CDH11: variants seen among roughly 807,000 people sequenced by gnomAD.
The protein encoded by CDH11 is cadherin 11, also known as cadherin-11.
A neutral mutation model predicts 67.8 loss-of-function variants in CDH11; 11 were observed. The ratio of observed to expected loss-of-function variants is 0.16; its 90% CI spans 0.10 to 0.27. CDH11 has a LOEUF of 0.27. Among genes scored for constraint, CDH11 ranks in the 10% least tolerant of loss-of-function variants. CDH11 has a pLI of 1.00. For missense variants in CDH11, 847 were observed against 1,031.2 expected (o/e 0.82, Z 2.45); for synonymous variants, 419 against 400.0 (o/e 1.05, Z -0.57).
intron 1 of CDH11, among the ~76,000 whole-genome samples, chr16:65,096,283 C>A (rs1416987720): frequency 6.6e-6 from 1 of 152,084 alleles, no homozygotes; most frequent in Non-Finnish European, 1.5e-5. Flanking sequence ...GCCTCCAGAA[C>A]TGTAAACAAT....
chr16:64,951,785 T>A (rs894594434), intron 11 of CDH11, among the ~76,000 whole-genome samples: 1 of 152,198 alleles, frequency 6.6e-6, no homozygotes, highest in Non-Finnish European at 1.5e-5. Flanking sequence ...TCATTAGTCA[T>A]GTAAATATAC....
Position 64,976,492 on chromosome 16 carries a change from T to A in CDH11, c.1254-3452A>T, listed in dbSNP as rs149081669. Among the ~76,000 whole-genome samples the A allele has an allele frequency of 2.2e-3, 339 of 152,106 alleles. 3 individuals carry two copies. The highest frequency in any genetic ancestry group is 7.5e-3 in the African/African-American group (311 of 41,488). The stretch of plus-strand genomic sequence containing the variant: ...AGGCCTCCATTATATGTCCAAAGAC[T>A]CAAATGTCCTCAAAGTTGAAGAGAA... On this transcript the variant is annotated intron_variant, in intron 8 of 12. Coordinates refer to ENST00000268603, the MANE Select transcript of CDH11 (RefSeq NM_001797.4).
At chr16:65,058,671 AT>A (rs149570107) in intron 1 of CDH11, among the ~76,000 whole-genome samples, 1 of 152,150 alleles carries the variant, frequency 6.6e-6, no homozygotes, top group Non-Finnish European at 1.5e-5. Flanking sequence ...GTAGATCATG[AT>A]TTTTTTTGTA....
intron 1 of CDH11, among the ~76,000 whole-genome samples, chr16:65,098,363 A>G (rs1039399217): frequency 7.9e-5 from 12 of 152,182 alleles, no homozygotes; most frequent in Non-Finnish European, 7.3e-5. Flanking sequence ...ATATATTCAA[A>G]TATTACTCTA....
rs368554961 is a variant in CDH11, at chr16:64,968,311, C to CTACA, written c.1642+3264_1642+3267dup. On this transcript the variant is annotated intron_variant, in intron 11 of 12. Coordinates refer to ENST00000268603, the MANE Select transcript of CDH11 (RefSeq NM_001797.4). The stretch of plus-strand genomic sequence containing the variant: ...GAAGGTTTTATAAACCAGTTAAGAG[C>CTACA]TACATAGAGGAGAGATATTATCTCA... The CTACA allele has an allele frequency of 2.3e-4, 110 of 485,136 alleles. 1 individual carries two copies. Among genetic ancestry groups the CTACA allele is most frequent in the African/African-American group, 2.2e-3 (104 of 48,098 alleles). The allele number at this position is 485,136 out of a possible 1,614,324, so 30.1% of individuals were successfully genotyped here.
chr16:65,078,652 A>G (rs79920131), intron 1 of CDH11, among the ~76,000 whole-genome samples: 2,255 of 152,244 alleles, frequency 0.015, 48 homozygotes, highest in African/African-American at 0.051. Context: ...TTTTTGATCA[A>G]TAAGTCATCA....
Position 65,047,111 on chromosome 16 carries a change from C to G in CDH11, c.-173+6693G>C, listed in dbSNP as rs565230444. Among the ~76,000 whole-genome samples the G allele has an allele frequency of 3.3e-5, 5 of 152,138 alleles. No individual in the cohort carries two copies. The East Asian group carries it at 7.8e-4, about 24-fold the overall frequency. ...CCTGGGTGACAAAGTGAGACTCTGC[C>G]TCAAAAAATAAATCAAGGTGTAAAA... On this transcript the variant is annotated intron_variant, in intron 2 of 12. Coordinates refer to ENST00000268603, the MANE Select transcript of CDH11 (RefSeq NM_001797.4).
intron 11 of CDH11, among the ~76,000 whole-genome samples, chr16:64,962,956 C>T (rs550298980): frequency 6.6e-6 from 1 of 152,286 alleles, no homozygotes; most frequent in Non-Finnish European, 1.5e-5. Context: ...CTATGGAATG[C>T]TAGCCCTTCT....
chr16:65,113,084 G>C (rs550422020), intron 1 of CDH11, among the ~76,000 whole-genome samples: 1 of 151,992 alleles, frequency 6.6e-6, no homozygotes, highest in Non-Finnish European at 1.5e-5. Context: ...TCAGAATTTC[G>C]AGATAAGCTT....
chr16:64,955,138 C>T (rs1317244309), intron 11 of CDH11, among the ~76,000 whole-genome samples: 5 of 151,706 alleles, frequency 3.3e-5, no homozygotes, highest in African/African-American at 4.8e-5. Context: ...CCCAGCTACT[C>T]GGGAGGCTGA....
chr16:65,046,743 A>G (rs2073967933), intron 2 of CDH11, among the ~76,000 whole-genome samples: 1 of 152,200 alleles, frequency 6.6e-6, no homozygotes, highest in Non-Finnish European at 1.5e-5. Flanking sequence ...GATAGTTTTA[A>G]AACTTAAAAA....
intron 3 of CDH11, among the ~76,000 whole-genome samples, chr16:65,000,664 C>T (rs1317171606): frequency 3.9e-5 from 6 of 151,948 alleles, no homozygotes; most frequent in Non-Finnish European, 8.8e-5. Flanking sequence ...CAAAAATTAA[C>T]CAGGCATGAT....
chr16:65,054,131 T>C (rs779425499), intron 1 of CDH11, among the ~76,000 whole-genome samples: 3 of 152,186 alleles, frequency 2.0e-5, no homozygotes, highest in Non-Finnish European at 4.4e-5. Context: ...CACCGGATAG[T>C]GTGATTAACC....
At chr16:65,094,979 T>A (rs1008929015) in intron 1 of CDH11, 2 of 152,178 alleles carry the variant, frequency 1.3e-5, no homozygotes, top group Admixed American at 1.3e-4. Flanking sequence ...AATTAAGACA[T>A]ACATATCTCT....
chr16:65,064,039 A>G (rs2074272891), intron 1 of CDH11, among the ~76,000 whole-genome samples: 1 of 152,188 alleles, frequency 6.6e-6, no homozygotes, highest in Non-Finnish European at 1.5e-5. Flanking sequence ...TCAAGAGGAC[A>G]CTGCATGTGC....
At chr16:64,976,025 G>C (rs1359565667) in intron 8 of CDH11, among the ~76,000 whole-genome samples, 1 of 152,156 alleles carries the variant, frequency 6.6e-6, no homozygotes, top group African/African-American at 2.4e-5. Flanking sequence ...TTGTTTTAAA[G>C]TATGTCACAA....
intron 1 of CDH11, among the ~76,000 whole-genome samples, chr16:65,075,960 G>C (rs1414992871): frequency 6.6e-6 from 1 of 152,170 alleles, no homozygotes; most frequent in Non-Finnish European, 1.5e-5. Flanking sequence ...CTAATACACA[G>C]TACCTATTCT....
At chr16:65,024,542 A>C (rs533174059) in intron 2 of CDH11, among the ~76,000 whole-genome samples, 1 of 152,316 alleles carries the variant, frequency 6.6e-6, no homozygotes, top group Admixed American at 6.5e-5. Context: ...TAAAATTTAA[A>C]TTAAATTTAA....
intron 1 of CDH11, among the ~76,000 whole-genome samples, chr16:65,063,735 T>C (rs2074268462): frequency 6.6e-6 from 1 of 152,196 alleles, no homozygotes. Context: ...TATTCATAAC[T>C]TGATCATTTA....
Sources: allele counts gnomAD v4.1 joint callset (sites outside exome capture counted in the v4.1 genomes callset), GRCh38; gene constraint gnomAD v4.1.1; transcripts MANE v1.5; gene names NCBI Gene and HGNC (gene_info 2026-07-23, HGNC 2026-07-21).